DUSP5: variants seen among roughly 807,000 people sequenced by gnomAD.
The protein encoded by DUSP5 is dual specificity protein phosphatase 5.
Under a neutral mutation model 33.6 loss-of-function variants are expected in DUSP5, and 22 were observed. The ratio of observed to expected loss-of-function variants is 0.66; its 90% CI spans 0.47 to 0.94. DUSP5 has a LOEUF of 0.94. Among genes scored for constraint, DUSP5 ranks in the 40% least tolerant of loss-of-function variants. DUSP5 has a pLI of 0.00. For synonymous variants in DUSP5, 270 were observed against 231.1 expected (o/e 1.17, Z -1.53); for missense variants, 551 against 522.1 (o/e 1.06, Z -0.54).
chr10:110,498,203 T>C lies in DUSP5; in HGVS notation c.82T>C (p.Cys28Arg). The C allele has an allele frequency of 6.6e-7, 1 of 1,507,856 alleles. No homozygotes were observed. The highest frequency in any genetic ancestry group is 8.9e-7 in the Non-Finnish European group (1 of 1,127,928). 93.4% of individuals were successfully genotyped at this position (1,507,856 alleles called of 1,614,324 possible). ...GGCGGCGCGCTGCGTGGTGCTCGAC[T>C]GCCGGCCCTATCTGGCCTTCGCTGC... ...EAAARCVVLD[C>R]RPYLAFAASN... Residue 28 changes from cysteine (C) to arginine (R), a missense_variant, in exon 1 of 4, where the codon TGC becomes CGC. Physicochemically the swap from Cys to Arg is radical, Grantham distance 180 (BLOSUM62 -3). This residue lies in a region of DUSP5 where 381 missense variants were observed against 310.4 expected (regional missense o/e 1.23). Coordinates refer to ENST00000369583, the MANE Select transcript of DUSP5 (RefSeq NM_004419.4).
At chr10:110,499,832 G>A (rs1860020944) in intron 1 of DUSP5, among the ~76,000 whole-genome samples, 1 of 152,134 alleles carries the variant, frequency 6.6e-6, no homozygotes, top group South Asian at 2.1e-4. Flanking sequence ...GTTTGGAGAA[G>A]TTTCTGCCTC....
Position 110,506,994 on chromosome 10 carries a change from G to A in DUSP5, c.588G>A (p.Lys196=), listed in dbSNP as rs1860126027. Reference sequence around the variant, plus strand: ...TTGGAAGTGCCTACCATGCATCCAAGTGCGAGTTCCTCGCCAACCTGCACA... The same window carrying A: ...TTGGAAGTGCCTACCATGCATCCAAATGCGAGTTCCTCGCCAACCTGCACA... The part of the protein sequence containing the change: ...LYLGSAYHAS[K]CEFLANLHIT... The change falls in exon 3 of 4, where the codon AAG becomes AAA. Residue 196 remains lysine (K), a synonymous_variant. Coordinates refer to ENST00000369583, the MANE Select transcript of DUSP5 (RefSeq NM_004419.4). 1.2e-6 allele frequency: 2 copies of A among 1,614,240 alleles called. No homozygotes were observed. The highest frequency in any genetic ancestry group is 8.5e-7 in the Non-Finnish European group (1 of 1,180,046).
At position 110,502,750 on chromosome 10, in the gene DUSP5, C is replaced by T; in HGVS notation, c.409C>T (p.Pro137Ser). ...ATATGAGACTTTCTACTCGGAATAT[C>T]CTGAGTGTTGCGTGGATGTAAAACC... ...GGYETFYSEY[P>S]ECCVDVKPIS... The change falls in exon 2 of 4, where the codon CCT becomes TCT. Residue 137 changes from proline (P) to serine (S), a missense_variant. Transcript: ENST00000369583. 1 of 1,613,978 alleles carries T rather than the reference C, an allele frequency of 6.2e-7. No individual in the cohort carries two copies. Among genetic ancestry groups the T allele is most frequent in the South Asian group, 1.1e-5 (1 of 91,078 alleles).
At chr10:110,509,268 G>A (rs1860156506) in intron 3 of DUSP5, among the ~76,000 whole-genome samples, 1 of 152,224 alleles carries the variant, frequency 6.6e-6, no homozygotes, top group Non-Finnish European at 1.5e-5. Flanking sequence ...GCTAAAGAAT[G>A]CTAACTGATG....
chr10:110,509,687 C>T (rs1164112028), intron 3 of DUSP5, among the ~76,000 whole-genome samples: 6 of 152,184 alleles, frequency 3.9e-5, no homozygotes, highest in African/African-American at 1.4e-4. Context: ...AGATGGCATC[C>T]CCAGGAAGGG....
intron 2 of DUSP5, among the ~76,000 whole-genome samples, chr10:110,505,684 G>A (rs1400901578): frequency 1.3e-5 from 2 of 152,286 alleles, no homozygotes; most frequent in African/African-American, 2.4e-5. Context: ...GGCTCCCAAA[G>A]ACACAGCCAC....
At chr10:110,508,174 G>A (rs1860141873) in intron 3 of DUSP5, among the ~76,000 whole-genome samples, 1 of 152,128 alleles carries the variant, frequency 6.6e-6, no homozygotes, top group African/African-American at 2.4e-5. Context: ...ACCCTGACGA[G>A]AAACTCATCA....
At chr10:110,498,792 C>G (rs1212835524) in intron 1 of DUSP5, among the ~76,000 whole-genome samples, 1 of 152,062 alleles carries the variant, frequency 6.6e-6, no homozygotes, top group East Asian at 1.9e-4. Context: ...GGGCCGTCGG[C>G]TCGTGCCGGG....
rs1029080263 is a variant in DUSP5, at chr10:110,510,485, C to T, written c.*59C>T. Reference sequence around the variant, plus strand: ...GCAACTGTGATTTTTGTTTTTAAGACTCATGGACATTTCATACCTGTGCAA... The same window carrying T: ...GCAACTGTGATTTTTGTTTTTAAGATTCATGGACATTTCATACCTGTGCAA... On this transcript the variant is annotated 3_prime_UTR_variant, in exon 4 of 4. Transcript: ENST00000369583. The T allele has an allele frequency of 1.2e-5, 17 of 1,474,836 alleles. No individual in the cohort carries two copies. The Admixed American group carries it at 3.5e-4, about 31-fold the overall frequency. The allele number at this position is 1,474,836 out of a possible 1,614,324, so 91.4% of individuals were successfully genotyped here. A position where few individuals can be genotyped will look rare whatever the true frequency, so the allele number is the denominator to read the frequency against.
Position 110,508,942 on chromosome 10 carries a change from G to T in DUSP5, c.749-1078G>T, listed in dbSNP as rs1451597819. Among the ~76,000 whole-genome samples, 3 of 152,296 alleles carry T rather than the reference G, an allele frequency of 2.0e-5. No homozygotes were observed. The East Asian group carries it at 5.8e-4, about 29-fold the overall frequency. ...TCTTTTAGATCTTGCAGATTGATTT[G>T]CATACTTTGACCTTGGGGCAGGGAA... On this transcript the variant is annotated intron_variant, in intron 3 of 3. Transcript: ENST00000369583.
At chr10:110,506,812 C>T (rs575860368) in intron 2 of DUSP5, 123 bp from the exon 3 acceptor site, 297 of 1,076,636 alleles carry the variant, frequency 2.8e-4, no homozygotes, top group Non-Finnish European at 3.8e-4. Context: ...CTCTGAACTC[C>T]ACTTGGAAAC....
At chr10:110,506,810 T>C in intron 2 of DUSP5, 125 bp from the exon 3 acceptor site, 2 of 1,048,134 alleles carry the variant, frequency 1.9e-6, no homozygotes, top group Non-Finnish European at 2.9e-6. Flanking sequence ...GGCTCTGAAC[T>C]CCACTTGGAA....
At chr10:110,504,587 G>A (rs892920275) in intron 2 of DUSP5, among the ~76,000 whole-genome samples, 4 of 152,142 alleles carry the variant, frequency 2.6e-5, no homozygotes, top group Non-Finnish European at 5.9e-5. Flanking sequence ...AGTCATCAGT[G>A]GCCACGTGAA....
Position 110,498,185 on chromosome 10 carries a change from C to T in DUSP5, c.64C>T (p.Arg22Cys). Residue 22 changes from arginine to cysteine, a missense_variant, in exon 1 of 4, where the codon CGC (arginine) becomes TGC (cysteine). By Grantham distance (180) the Arg-to-Cys change is radical. Coordinates refer to ENST00000369583, the MANE Select transcript of DUSP5 (RefSeq NM_004419.4). Reference sequence around the variant, plus strand: ...GATGCTCCGCAAGGAGGCGGCGGCGCGCTGCGTGGTGCTCGACTGCCGGCC... The same window carrying T: ...GATGCTCCGCAAGGAGGCGGCGGCGTGCTGCGTGGTGCTCGACTGCCGGCC... ...RKMLRKEAAA[R>C]CVVLDCRPYL... 3 of 1,497,244 alleles carry T rather than the reference C, an allele frequency of 2.0e-6. No homozygotes were observed. Among genetic ancestry groups the T allele is most frequent in the Non-Finnish European group, 2.7e-6 (3 of 1,122,722 alleles). The allele number at this position is 1,497,244 out of a possible 1,614,324, so 92.7% of individuals were successfully genotyped here.
At chr10:110,498,546 G>A (rs764326371) in intron 1 of DUSP5, 46 bp downstream of exon 1, 187 of 1,391,560 alleles carry the variant, frequency 1.3e-4, no homozygotes, top group Non-Finnish European at 1.5e-4. Flanking sequence ...CGGCGCCCCC[G>A]GGTCCCCTCC....
chr10:110,508,849 G>T (rs1860151379), intron 3 of DUSP5, among the ~76,000 whole-genome samples: 2 of 152,178 alleles, frequency 1.3e-5, no homozygotes, highest in African/African-American at 2.4e-5. Flanking sequence ...CTGCTTTGGG[G>T]TATGCTGTGG....
rs193139671 is a variant in DUSP5, at chr10:110,503,229, A to C, written c.528+360A>C. Among the ~76,000 whole-genome samples, 5 of 152,346 alleles carry C rather than the reference A, an allele frequency of 3.3e-5. No homozygotes were observed. The East Asian group carries it at 9.6e-4, about 29-fold the overall frequency. ...CTAGGTTTCCCTGAAGACATTTCAG[A>C]GTTGACTTTCAGGCTTCCTGTGTTG... On this transcript the variant is annotated intron_variant, in intron 2 of 3. Transcript: ENST00000369583.
rs771746372 is a variant in DUSP5 at position 110,498,175 on chromosome 10, G to T, written c.54G>T (p.Glu18Asp). ...AGCTGCGCAAGATGCTCCGCAAGGA[G>T]GCGGCGGCGCGCTGCGTGGTGCTCG... ...GRQLRKMLRK[E>D]AAARCVVLDC... Residue 18 changes from glutamate (E) to aspartate (D), a missense_variant, in exon 1 of 4, where the codon GAG (glutamate) becomes GAT (aspartate). By Grantham distance (45) the Glu-to-Asp change is conservative. Transcript: ENST00000369583. The T allele has an allele frequency of 1.3e-6, 2 of 1,493,790 alleles. No homozygotes were observed. Among genetic ancestry groups the T allele is most frequent in the South Asian group, 1.2e-5 (1 of 84,370 alleles). The allele number at this position is 1,493,790 out of a possible 1,614,324, so 92.5% of individuals were successfully genotyped here.
Position 110,506,927 on chromosome 10 carries a change from G to A in DUSP5, c.529-8G>A. ...TATTTCCTGATTGTCCTTTGTCCCTGCATCCAGGGTGGCCCAGTTGAAATC... is the reference window on the plus strand; with the variant it reads ...TATTTCCTGATTGTCCTTTGTCCCTACATCCAGGGTGGCCCAGTTGAAATC... On this transcript the variant is annotated splice_polypyrimidine_tract_variant and splice_region_variant and intron_variant, in intron 2 of 3. Transcript: ENST00000369583. The A allele has an allele frequency of 6.2e-7, 1 of 1,613,488 alleles. No individual in the cohort carries two copies. Among genetic ancestry groups the A allele is most frequent in the Non-Finnish European group, 8.5e-7 (1 of 1,179,408 alleles).
Sources: gnomAD v4.1 joint callset for allele counts (sites outside exome capture counted in the v4.1 genomes callset) on GRCh38, gnomAD v4.1.1 for gene constraint, gnomAD v4.1.1 regional missense constraint, MANE v1.5 for transcripts, NCBI Gene and HGNC (gene_info 2026-07-23, HGNC 2026-07-21) for gene names.